FOXP1: variants seen among roughly 807,000 people sequenced by gnomAD.
The protein encoded by FOXP1 is forkhead box protein P1.
Under a neutral mutation model 98.2 loss-of-function variants are expected in FOXP1, and 15 were observed. That is an observed-to-expected ratio of 0.15 (90% confidence interval 0.10 to 0.24). The LOEUF (loss-of-function observed/expected upper bound fraction) is 0.24. Among genes scored for constraint, FOXP1 ranks in the 10% least tolerant of loss-of-function variants. FOXP1 has a pLI of 1.00. For missense variants in FOXP1, 633 were observed against 848.5 expected (o/e 0.75, Z 3.15); for synonymous variants, 371 against 314.5 (o/e 1.18, Z -1.90).
intron 7 of FOXP1, among the ~76,000 whole-genome samples, chr3:71,097,226 A>C (rs1214356091): frequency 1.3e-5 from 2 of 152,356 alleles, no homozygotes; most frequent in East Asian, 3.9e-4. Flanking sequence ...TATATTCTTA[A>C]ATAGCAGGGA....
intron 6 of FOXP1, among the ~76,000 whole-genome samples, chr3:71,184,214 C>T (rs997536323): frequency 6.6e-6 from 1 of 152,156 alleles, no homozygotes; most frequent in Non-Finnish European, 1.5e-5. Flanking sequence ...AGTTTGAGAA[C>T]CACTGCTGAC....
At chr3:71,019,188 T>G (rs1266607385) in intron 11 of FOXP1, among the ~76,000 whole-genome samples, 1 of 152,204 alleles carries the variant, frequency 6.6e-6, no homozygotes, top group African/African-American at 2.4e-5. Flanking sequence ...AATAATGTTT[T>G]TATCTTGAAT....
intron 7 of FOXP1, among the ~76,000 whole-genome samples, chr3:71,058,840 T>C (rs1214529950): frequency 6.6e-6 from 1 of 150,570 alleles, no homozygotes; most frequent in Non-Finnish European, 1.5e-5. Flanking sequence ...CAAGTAACTA[T>C]CATACAGGAA....
intron 2 of FOXP1, among the ~76,000 whole-genome samples, chr3:71,550,370 G>A (rs764202514): frequency 4.6e-5 from 7 of 152,200 alleles, no homozygotes; most frequent in Admixed American, 1.3e-4. Flanking sequence ...TAACCGCTCC[G>A]TGCCTCAGTT....
At chr3:71,468,218 A>C (rs2088974141) in intron 3 of FOXP1, among the ~76,000 whole-genome samples, 1 of 152,102 alleles carries the variant, frequency 6.6e-6, no homozygotes, top group South Asian at 2.1e-4. Flanking sequence ...TTCAATCACG[A>C]TATGATGACA....
chr3:71,424,366 C>G (rs1301860718), intron 3 of FOXP1, among the ~76,000 whole-genome samples: 1 of 152,142 alleles, frequency 6.6e-6, no homozygotes, highest in African/African-American at 2.4e-5. Flanking sequence ...GGGTAGGGCG[C>G]CTTCCCTATC....
chr3:71,287,474 A>AAAT lies in FOXP1; in HGVS notation c.-12+12343_-12+12345dup, dbSNP rs772404255. 2.0e-5 allele frequency among the ~76,000 whole-genome samples: 3 copies of AAAT among 152,092 alleles called. No homozygotes were observed. The South Asian group carries it at 6.2e-4, about 32-fold the overall frequency. ...GGCGAAAGAGCGAGACCCTGTCTCA[A>AAAT]AATAATAATAATAATAGTAATAGGG... On this transcript the variant is annotated intron_variant, in intron 5 of 20. Transcript: ENST00000649528.
chr3:71,453,416 G>A (rs1028716535), intron 3 of FOXP1, among the ~76,000 whole-genome samples: 1 of 152,098 alleles, frequency 6.6e-6, no homozygotes, highest in Non-Finnish European at 1.5e-5. Flanking sequence ...TGAATATTTT[G>A]AGACCTGGTT....
At chr3:71,261,222 G>C (rs2069109716) in intron 5 of FOXP1, among the ~76,000 whole-genome samples, 1 of 152,048 alleles carries the variant, frequency 6.6e-6, no homozygotes, top group African/African-American at 2.4e-5. Flanking sequence ...GCACATTAAG[G>C]TTTGGGCTAT....
intron 3 of FOXP1, among the ~76,000 whole-genome samples, chr3:71,405,854 A>G (rs7642316): frequency 0.082 from 12,478 of 151,676 alleles, 1,706 homozygotes; most frequent in African/African-American, 0.28. Context: ...TCAGCCTCCC[A>G]AGTAGCTGGG....
At chr3:71,070,315 C>G (rs1033468925) in intron 7 of FOXP1, among the ~76,000 whole-genome samples, 1 of 152,172 alleles carries the variant, frequency 6.6e-6, no homozygotes, top group African/African-American at 2.4e-5. Flanking sequence ...CCTAAGAGAA[C>G]AACCTGTATT....
At chr3:71,556,576 C>CAAAA (rs757217111) in intron 2 of FOXP1, among the ~76,000 whole-genome samples, 3 of 29,804 alleles carry the variant, frequency 1.0e-4, no homozygotes, top group African/African-American at 2.6e-4. Flanking sequence ...GACTCCGTCT[C>CAAAA]AAAAAAAAAA....
chr3:71,116,042 A>C (rs2058354088), intron 6 of FOXP1, among the ~76,000 whole-genome samples: 1 of 152,206 alleles, frequency 6.6e-6, no homozygotes, highest in Non-Finnish European at 1.5e-5. Context: ...GGCCATCACA[A>C]AACTATTCTT....
intron 3 of FOXP1, among the ~76,000 whole-genome samples, chr3:71,425,164 G>A (rs1423891832): frequency 1.3e-5 from 2 of 151,956 alleles, no homozygotes; most frequent in East Asian, 3.9e-4. Flanking sequence ...TGCCCAGGCT[G>A]GAGTGCAGTG....
Position 70,977,673 on chromosome 3 carries a change from T to G in FOXP1, c.1398A>C (p.Pro466=). ...TAATTAAAGATGCATATGTAAATGG[T>G]GGTCTAACTTCTGCGTTCTTATAAA... ...QEFYKNAEVR[P]PFTYASLIRQ... The change falls in exon 16 of 21, where the codon CCA becomes CCC. Residue 466 remains proline (P), a synonymous_variant. Transcript: ENST00000649528. 6.2e-7 allele frequency: 1 copy of G among 1,614,074 alleles called. No homozygotes were observed. The highest frequency in any genetic ancestry group is 2.2e-5 in the East Asian group (1 of 44,888).
At chr3:71,117,016 T>G (rs1230156225) in intron 6 of FOXP1, among the ~76,000 whole-genome samples, 1 of 152,248 alleles carries the variant, frequency 6.6e-6, no homozygotes, top group Non-Finnish European at 1.5e-5. Context: ...GATAGCCATT[T>G]TTACCTGTTA....
intron 4 of FOXP1, among the ~76,000 whole-genome samples, chr3:71,357,008 C>T (rs773089722): frequency 5.9e-5 from 9 of 152,248 alleles, no homozygotes; most frequent in South Asian, 4.1e-4. Context: ...CCCACTCCCA[C>T]GGTAAGCTTT....
In FOXP1 at chr3:71,570,337, T is replaced by C. The variant is rs150840504; in HGVS notation, c.-298+11212A>G. The stretch of plus-strand genomic sequence containing the variant: ...GTAGATATCTTACAATCTAGGATTA[T>C]TTTGAAAACTTTTTTCTGAGTTATT... On this transcript the variant is annotated intron_variant, in intron 2 of 20. Coordinates refer to ENST00000649528, the MANE Select transcript of FOXP1 (RefSeq NM_001349338.3). 997 of 152,244 alleles carry C rather than the reference T, an allele frequency of 6.5e-3. 8 individuals carry two copies. The highest frequency in any genetic ancestry group is 0.01 in the Non-Finnish European group (699 of 68,006). 9.4% of individuals were successfully genotyped at this position (152,244 alleles called of 1,614,324 possible).
chr3:71,260,728 A>G (rs1441318641), intron 5 of FOXP1, among the ~76,000 whole-genome samples: 1 of 151,634 alleles, frequency 6.6e-6, no homozygotes, highest in Non-Finnish European at 1.5e-5. Flanking sequence ...TTTTTACTAG[A>G]GACAGGGTTT....
Sources: gnomAD v4.1 joint callset for allele counts (sites outside exome capture counted in the v4.1 genomes callset) on GRCh38, gnomAD v4.1.1 for gene constraint, MANE v1.5 for transcripts, NCBI Gene and HGNC (gene_info 2026-07-23, HGNC 2026-07-21) for gene names.